The following ATP6V1C1 variants were observed in gnomAD, a reference collection of about 807,000 sequenced individuals.
ATP6V1C1 encodes the protein V-type proton ATPase subunit C 1.
A neutral mutation model predicts 53.9 loss-of-function variants in ATP6V1C1; 45 were observed. The observed-to-expected ratio is 0.83, with a 90% CI of 0.66 to 1.07. The LOEUF is 1.07. Ranked by LOEUF, ATP6V1C1 falls within the 50% of genes least tolerant of loss-of-function variation. The pLI is 0.00. For synonymous variants in ATP6V1C1, 153 were observed against 155.2 expected, an observed-to-expected ratio of 0.99 and a Z score of 0.11; for missense variants, 315 against 440.3, an observed-to-expected ratio of 0.72 and a Z score of 2.55.
intron 8 of ATP6V1C1, among the ~76,000 whole-genome samples, chr8:103,062,285 C>T (rs184182750): frequency 6.6e-6 from 1 of 151,270 alleles, no homozygotes; most frequent in Admixed American, 6.6e-5. Flanking sequence ...ATCCTCCCAC[C>T]TCAGCCTCCC....
At chr8:103,040,411 C>T (rs1416422858) in intron 1 of ATP6V1C1, among the ~76,000 whole-genome samples, 1 of 134,020 alleles carries the variant, frequency 7.5e-6, no homozygotes, top group Admixed American at 8.3e-5. Context: ...GAGACACTGT[C>T]TCAAAAAAAA....
chr8:103,053,850 A>G (rs1258246546), intron 6 of ATP6V1C1, 34 bp from the exon 7 acceptor site: 1 of 1,491,820 alleles, frequency 6.7e-7, no homozygotes, highest in South Asian at 1.2e-5. Flanking sequence ...GAAGCACATA[A>G]TTATCAGCCT....
chr8:103,029,004 G>A (rs760428855), intron 1 of ATP6V1C1, among the ~76,000 whole-genome samples: 2 of 151,884 alleles, frequency 1.3e-5, no homozygotes, highest in Non-Finnish European at 2.9e-5. Context: ...GTGTTTACAT[G>A]TAATAATTTA....
chr8:103,042,425 A>G lies in ATP6V1C1; in HGVS notation c.200+18A>G. 6.2e-7 allele frequency: 1 copy of G among 1,611,688 alleles called. No individual in the cohort carries two copies. Reference sequence around the variant, plus strand: ...GTAGAAGGGTAATGTACTTATATGCATGGAGTAGAGCAAAATGGGAGACAC... The same window carrying G: ...GTAGAAGGGTAATGTACTTATATGCGTGGAGTAGAGCAAAATGGGAGACAC... On this transcript the variant is annotated intron_variant, in intron 3 of 12. Coordinates refer to ENST00000518738, the MANE Select transcript of ATP6V1C1 (RefSeq NM_001695.5).
intron 3 of ATP6V1C1, among the ~76,000 whole-genome samples, chr8:103,046,061 G>A (rs984657066): frequency 6.6e-6 from 1 of 151,966 alleles, no homozygotes; most frequent in African/African-American, 2.4e-5. Flanking sequence ...CAACCAAAGA[G>A]ACACTGAGAA....
rs1464787427 is a variant in ATP6V1C1, at chr8:103,071,302, C to T, written c.*2555C>T. The T allele has an allele frequency of 1.3e-5, 2 of 152,224 alleles. No homozygotes were observed. Among genetic ancestry groups the T allele is most frequent in the African/African-American group, 2.4e-5 (1 of 41,442 alleles). The allele number at this position is 152,224 out of a possible 1,614,324, so 9.4% of individuals were successfully genotyped here. A position where few individuals can be genotyped will look rare whatever the true frequency, so the allele number is the denominator to read the frequency against. ...AGTGTCTGTCAGGGATCATTCACATCCACATCATCCTCCCGGCCCCTCCCC... is the reference window on the plus strand; with the variant it reads ...AGTGTCTGTCAGGGATCATTCACATTCACATCATCCTCCCGGCCCCTCCCC... On this transcript the variant is annotated 3_prime_UTR_variant, in exon 13 of 13. Coordinates refer to ENST00000518738, the MANE Select transcript of ATP6V1C1 (RefSeq NM_001695.5).
intron 1 of ATP6V1C1, among the ~76,000 whole-genome samples, chr8:103,027,802 T>A (rs1161792920): frequency 6.6e-6 from 1 of 152,136 alleles, no homozygotes; most frequent in Non-Finnish European, 1.5e-5. Flanking sequence ...TTCTTCAGTG[T>A]TTTTTTCTGT....
Position 103,064,931 on chromosome 8 carries a change from T to G in ATP6V1C1, c.926+120T>G, listed in dbSNP as rs533906820. On this transcript the variant is annotated intron_variant, in intron 11 of 12. Coordinates refer to ENST00000518738, the MANE Select transcript of ATP6V1C1 (RefSeq NM_001695.5). Reference sequence around the variant, plus strand: ...TGATTTGGAGAAATCAAAGGGCCAATCATGAGACAGAGATTATCAGTATCA... The same window carrying G: ...TGATTTGGAGAAATCAAAGGGCCAAGCATGAGACAGAGATTATCAGTATCA... 4 of 787,532 alleles carry G rather than the reference T, an allele frequency of 5.1e-6. No homozygotes were observed. The South Asian group carries it at 8.5e-5, about 17-fold the overall frequency. The allele number at this position is 787,532 out of a possible 1,614,324, so 48.8% of individuals were successfully genotyped here.
Position 103,071,138 on chromosome 8 carries a change from C to G in ATP6V1C1, c.*2391C>G, listed in dbSNP as rs952596838. On this transcript the variant is annotated 3_prime_UTR_variant, in exon 13 of 13. Transcript: ENST00000518738. ...GCAGTTTGTGTCACTGAGCTCCAGT[C>G]TGTGCTGGATTATTGATATTGTTGG... 1.3e-5 allele frequency: 2 copies of G among 152,352 alleles called. No individual in the cohort carries two copies. Among genetic ancestry groups the G allele is most frequent in the Non-Finnish European group, 2.9e-5 (2 of 68,060 alleles). The allele number at this position is 152,352 out of a possible 1,614,324, so 9.4% of individuals were successfully genotyped here.
Position 103,048,953 on chromosome 8 carries a change from G to A in ATP6V1C1, c.284G>A (p.Gly95Glu). 1 of 1,611,932 alleles carries A rather than the reference G, an allele frequency of 6.2e-7. No homozygotes were observed. Among genetic ancestry groups the A allele is most frequent in the Non-Finnish European group, 8.5e-7 (1 of 1,178,692 alleles). The change falls in exon 4 of 13, where the codon GGA (glycine) becomes GAA (glutamate). Residue 95 changes from glycine (G) to glutamate (E), a missense_variant and splice_region_variant. By Grantham distance (98) the Gly-to-Glu change is moderately conservative (BLOSUM62 -2). Transcript: ENST00000518738. ...GTTCAAGAGAATCTGTTGGCTAATG[G>A]AGGTAAGCTAATGCTCATGATTGAT... is the stretch of plus-strand genomic sequence containing the variant. ...DKVQENLLAN[G>E]VDLVTYITRF...
In ATP6V1C1 at chr8:103,064,186, C is replaced by T. The variant is rs1512347; in HGVS notation, c.829-528C>T. ...TATTTGAAGTTTAAAAAGAACTTAA[C>T]GCTATACAATTTAGAATGTAAAGAG... On this transcript the variant is annotated intron_variant, in intron 10 of 12. Coordinates refer to ENST00000518738, the MANE Select transcript of ATP6V1C1 (RefSeq NM_001695.5). Among the ~76,000 whole-genome samples the T allele has an allele frequency of 3.3e-3, 509 of 152,212 alleles. 3 individuals are homozygous for T. Among genetic ancestry groups the T allele is most frequent in the African/African-American group, 0.012 (478 of 41,522 alleles).
At chr8:103,038,347 A>AT (rs750695939) in intron 1 of ATP6V1C1, among the ~76,000 whole-genome samples, 1 of 152,218 alleles carries the variant, frequency 6.6e-6, no homozygotes, top group Non-Finnish European at 1.5e-5. Context: ...CTGAACTCGC[A>AT]TAGTGTGGCT....
At chr8:103,059,682 C>T (rs1817358878) in intron 8 of ATP6V1C1, among the ~76,000 whole-genome samples, 1 of 152,072 alleles carries the variant, frequency 6.6e-6, no homozygotes, top group Non-Finnish European at 1.5e-5. Context: ...TCCCCCAAGA[C>T]CCACTGCCAC....
intron 1 of ATP6V1C1, among the ~76,000 whole-genome samples, chr8:103,038,041 G>T (rs1420105885): frequency 1.3e-5 from 2 of 152,158 alleles, no homozygotes; most frequent in African/African-American, 4.8e-5. Flanking sequence ...GTTGTCTCAT[G>T]CTGCACAACA....
chr8:103,025,727 T>C (rs1816683530), intron 1 of ATP6V1C1, among the ~76,000 whole-genome samples: 1 of 152,182 alleles, frequency 6.6e-6, no homozygotes, highest in South Asian at 2.1e-4. Flanking sequence ...TGATAACACA[T>C]CTTGTGAGGG....
intron 11 of ATP6V1C1, among the ~76,000 whole-genome samples, chr8:103,065,871 G>A (rs542560817): frequency 1.0e-3 from 152 of 152,064 alleles, no homozygotes; most frequent in African/African-American, 3.6e-3. Flanking sequence ...GTGAAACCCC[G>A]TCTCTACTAA....
At chr8:103,053,620 A>G (rs1165643763) in intron 6 of ATP6V1C1, among the ~76,000 whole-genome samples, 1 of 152,006 alleles carries the variant, frequency 6.6e-6, no homozygotes, top group Non-Finnish European at 1.5e-5. Context: ...GATATTATAT[A>G]TGTAGGCAAG....
chr8:103,057,274 T>C (rs1045271392), intron 8 of ATP6V1C1, among the ~76,000 whole-genome samples: 1 of 152,196 alleles, frequency 6.6e-6, no homozygotes, highest in South Asian at 2.1e-4. Flanking sequence ...TGAGCCTCAT[T>C]GGTTGCAGAA....
At chr8:103,055,233 T>A (rs746504899) in intron 7 of ATP6V1C1, among the ~76,000 whole-genome samples, 1 of 152,188 alleles carries the variant, frequency 6.6e-6, no homozygotes, top group Non-Finnish European at 1.5e-5. Flanking sequence ...TACAGTTTTC[T>A]GTACCTTGTA....
Sources: allele counts gnomAD v4.1 joint callset (sites outside exome capture counted in the v4.1 genomes callset), GRCh38; gene constraint gnomAD v4.1.1; transcripts MANE v1.5; gene names NCBI Gene and HGNC (gene_info 2026-07-23, HGNC 2026-07-21).